The following MEF2C variants were observed in gnomAD, a reference collection of about 807,000 sequenced individuals.
MEF2C encodes the protein myocyte enhancer factor 2C.
MEF2C carries 6 observed loss-of-function variants against 50.5 expected under a neutral mutation model. That is an observed-to-expected ratio of 0.12 (90% CI 0.07 to 0.23). The LOEUF (loss-of-function observed/expected upper bound fraction) is 0.23, where lower values mean the gene tolerates loss of function less well. MEF2C is among the 10% of genes least tolerant of loss of function. MEF2C has a pLI of 1.00. For missense variants in MEF2C, 276 were observed against 605.0 expected (o/e 0.46, Z 5.70); for synonymous variants, 183 against 228.0 (o/e 0.80, Z 1.78).
chr5:88,750,192 A>G (rs1420842794), intron 5 of MEF2C: 8 of 591,254 alleles, frequency 1.4e-5, no homozygotes, highest in East Asian at 1.4e-4. Flanking sequence ...TTATATATAT[A>G]CATATATATA....
At chr5:88,892,775 T>C (rs1396791718) in intron 1 of MEF2C, among the ~76,000 whole-genome samples, 2 of 152,214 alleles carry the variant, frequency 1.3e-5, no homozygotes, top group Non-Finnish European at 2.9e-5. Context: ...ACCTTTGGAA[T>C]GCTATTGTCA....
chr5:88,781,419 T>C (rs982673107), intron 3 of MEF2C, among the ~76,000 whole-genome samples: 10 of 152,198 alleles, frequency 6.6e-5, no homozygotes, highest in African/African-American at 2.4e-4. Context: ...TGAGTTTTAT[T>C]ATCCCTTTTT....
At chr5:88,891,023 A>G (rs918726678) in intron 1 of MEF2C, among the ~76,000 whole-genome samples, 2 of 152,236 alleles carry the variant, frequency 1.3e-5, no homozygotes, top group African/African-American at 4.8e-5. Context: ...ACCCTTTTAC[A>G]AGAAAAAATA....
intron 1 of MEF2C, among the ~76,000 whole-genome samples, chr5:88,859,632 T>C (rs540567927): frequency 1.2e-4 from 18 of 152,220 alleles, no homozygotes; most frequent in Non-Finnish European, 2.6e-4. Context: ...TACAACCTCA[T>C]CCTAAAAGAA....
chr5:88,800,134 G>A (rs933448067), intron 3 of MEF2C, among the ~76,000 whole-genome samples: 1 of 152,106 alleles, frequency 6.6e-6, no homozygotes, highest in African/African-American at 2.4e-5. Flanking sequence ...AGTTCACTGA[G>A]GGGATGAGAG....
intron 1 of MEF2C, among the ~76,000 whole-genome samples, chr5:88,855,355 T>C (rs1404333508): frequency 6.6e-6 from 1 of 152,236 alleles, no homozygotes; most frequent in Non-Finnish European, 1.5e-5. Context: ...TAGCACAACA[T>C]ACAGTAATAA....
intron 2 of MEF2C, among the ~76,000 whole-genome samples, chr5:88,808,406 TAATC>T (rs915044516): frequency 3.3e-5 from 5 of 152,300 alleles, no homozygotes; most frequent in Admixed American, 6.5e-5. Flanking sequence ...ACAACACTCA[TAATC>T]AAAGTACATT....
rs74721010 is a variant in MEF2C, at chr5:88,823,586, G to A, written c.54+149C>T. On this transcript the variant is annotated intron_variant, in intron 2 of 10. Coordinates refer to ENST00000504921, the MANE Select transcript of MEF2C (RefSeq NM_002397.5). ...ATTTTTTTCTCCTTTATATATAAGA[G>A]ACTATCAGCACTTTAACTGGTCACA... 6.0e-4 allele frequency: 371 copies of A among 615,936 alleles called. 3 individuals are homozygous for A. The East Asian group carries it at 9.6e-3, about 16-fold the overall frequency. The allele number at this position is 615,936 out of a possible 1,614,324, so 38.2% of individuals were successfully genotyped here.
intron 3 of MEF2C, among the ~76,000 whole-genome samples, chr5:88,793,208 C>T (rs1794575733): frequency 6.6e-6 from 1 of 152,090 alleles, no homozygotes; most frequent in African/African-American, 2.4e-5. Context: ...TAATTGGGAC[C>T]TGACTTGAGT....
At chr5:88,804,571 TGG>T (rs1391188977) in intron 3 of MEF2C, 25 bp downstream of exon 3, 3 of 1,611,204 alleles carry the variant, frequency 1.9e-6, no homozygotes, top group Middle Eastern at 1.9e-4. Context: ...TGCGGAGGCT[TGG>T]GGCTCACCAC....
chr5:88,751,810 G>A, intron 5 of MEF2C, 47 bp downstream of exon 5: 1 of 1,574,374 alleles, frequency 6.4e-7, no homozygotes, highest in Non-Finnish European at 8.7e-7. Flanking sequence ...TGCCGAAAAT[G>A]GTTCCTTCCA....
At chr5:88,769,025 T>C (rs969776084) in intron 3 of MEF2C, among the ~76,000 whole-genome samples, 1 of 152,264 alleles carries the variant, frequency 6.6e-6, no homozygotes, top group South Asian at 2.1e-4. Context: ...GTCATAAGCA[T>C]ATAATCTCAG....
intron 1 of MEF2C, among the ~76,000 whole-genome samples, chr5:88,867,041 C>T (rs965468800): frequency 2.0e-5 from 3 of 152,126 alleles, no homozygotes; most frequent in Admixed American, 1.3e-4. Flanking sequence ...ACGCTAATAT[C>T]GTAGCTGGAA....
chr5:88,765,149 T>C (rs945361014), intron 3 of MEF2C, among the ~76,000 whole-genome samples: 1 of 152,198 alleles, frequency 6.6e-6, no homozygotes, highest in Non-Finnish European at 1.5e-5. Context: ...TTGCTATGAA[T>C]ATCACCCGAA....
At chr5:88,843,769 G>A (rs538815832) in intron 1 of MEF2C, among the ~76,000 whole-genome samples, 46 of 150,288 alleles carry the variant, frequency 3.1e-4, no homozygotes, top group African/African-American at 1.1e-3. Flanking sequence ...TGGCAACAAC[G>A]TCTTAATTTG....
intron 1 of MEF2C, among the ~76,000 whole-genome samples, chr5:88,888,528 G>T (rs1834215744): frequency 6.6e-6 from 1 of 152,130 alleles, no homozygotes; most frequent in Non-Finnish European, 1.5e-5. Flanking sequence ...AGGTTTTTAG[G>T]CTTAGGCCCA....
At chr5:88,844,252 G>A (rs909514351) in intron 1 of MEF2C, among the ~76,000 whole-genome samples, 2 of 152,098 alleles carry the variant, frequency 1.3e-5, no homozygotes, top group Admixed American at 6.5e-5. Flanking sequence ...TTTCTGTTGA[G>A]GAAATCAAGG....
intron 1 of MEF2C, among the ~76,000 whole-genome samples, chr5:88,869,783 A>G (rs1420613024): frequency 1.3e-5 from 2 of 149,946 alleles, no homozygotes; most frequent in African/African-American, 4.9e-5. Flanking sequence ...AATTAATTTC[A>G]TAACTAATTA....
chr5:88,738,781 G>T, intron 6 of MEF2C: 1 of 985,316 alleles, frequency 1.0e-6, no homozygotes, highest in Non-Finnish European at 1.2e-6. Flanking sequence ...GGTCAACTTG[G>T]GCATAGTAAA....
Sources: gnomAD v4.1 joint callset for allele counts (sites outside exome capture counted in the v4.1 genomes callset) on GRCh38, gnomAD v4.1.1 for gene constraint, MANE v1.5 for transcripts, NCBI Gene and HGNC (gene_info 2026-07-23, HGNC 2026-07-21) for gene names.